TRAPPC9: variants seen among roughly 807,000 people sequenced by gnomAD.
TRAPPC9 encodes the protein trafficking protein particle complex subunit 9, also known as IKK2 binding protein.
Under a neutral mutation model 124.0 loss-of-function variants are expected in TRAPPC9, and 83 were observed. The observed-to-expected ratio is 0.67, with a 90% CI of 0.56 to 0.80. The LOEUF (loss-of-function observed/expected upper bound fraction) is 0.80, where lower values mean the gene tolerates loss of function less well. Ranked by LOEUF, TRAPPC9 falls within the 30% of genes least tolerant of loss-of-function variation. The probability of loss-of-function intolerance (pLI) is 0.00; values close to 1 mark genes in which losing one functional copy is unlikely to be tolerated. For missense variants in TRAPPC9, 1,302 were observed against 1,508.3 expected (o/e 0.86, Z 2.27); for synonymous variants, 638 against 617.5 (o/e 1.03, Z -0.49).
At chr8:140,000,268 C>T (rs1197274169) in intron 18 of TRAPPC9, among the ~76,000 whole-genome samples, 1 of 152,122 alleles carries the variant, frequency 6.6e-6, no homozygotes, top group African/African-American at 2.4e-5. Flanking sequence ...AGACCTAACA[C>T]CATAAAAACC....
At chr8:140,163,403 C>T (rs376533533) in intron 17 of TRAPPC9, among the ~76,000 whole-genome samples, 2 of 152,190 alleles carry the variant, frequency 1.3e-5, no homozygotes, top group South Asian at 2.1e-4. Flanking sequence ...CAGTAGCTGC[C>T]GGACATGGAG....
At chr8:140,281,568 T>A (rs1338914845) in intron 14 of TRAPPC9, among the ~76,000 whole-genome samples, 1 of 152,252 alleles carries the variant, frequency 6.6e-6, no homozygotes, top group Non-Finnish European at 1.5e-5. Context: ...ATTCTTTTAA[T>A]GGTGTCTTTG....
chr8:140,336,380 C>T (rs567869927), intron 9 of TRAPPC9, among the ~76,000 whole-genome samples: 1 of 152,270 alleles, frequency 6.6e-6, no homozygotes, highest in South Asian at 2.1e-4. Context: ...CTCTGCTCTG[C>T]GGCAAATGAG....
chr8:140,090,728 G>A (rs978621782), intron 17 of TRAPPC9, among the ~76,000 whole-genome samples: 3 of 152,268 alleles, frequency 2.0e-5, no homozygotes, highest in Admixed American at 1.3e-4. Flanking sequence ...CCCAGGATAA[G>A]GAGGGTAAAG....
In TRAPPC9 at chr8:140,398,922, G is replaced by A. The variant is rs184463780; in HGVS notation, c.1009-1177C>T. Among the ~76,000 whole-genome samples, 315 of 152,328 alleles carry A rather than the reference G, an allele frequency of 2.1e-3. 2 individuals carry two copies. The highest frequency in any genetic ancestry group is 5.4e-4 in the Non-Finnish European group (37 of 68,038). Reference sequence around the variant, plus strand: ...AGGCCTAGGAGGAAAAAGTGGTTTCGTGGGCCGGGCCCAGGGTCACCATGC... The same window carrying A: ...AGGCCTAGGAGGAAAAAGTGGTTTCATGGGCCGGGCCCAGGGTCACCATGC... On this transcript the variant is annotated intron_variant, in intron 6 of 22. Transcript: ENST00000438773.
At chr8:140,066,589 A>G (rs1842906037) in intron 17 of TRAPPC9, among the ~76,000 whole-genome samples, 1 of 152,200 alleles carries the variant, frequency 6.6e-6, no homozygotes, top group South Asian at 2.1e-4. Flanking sequence ...TATTAGGTTT[A>G]CTCTAGACTA....
At chr8:139,941,599 C>A (rs541777241) in intron 19 of TRAPPC9, among the ~76,000 whole-genome samples, 2 of 152,326 alleles carry the variant, frequency 1.3e-5, no homozygotes, top group African/African-American at 4.8e-5. Context: ...ACATCACCAT[C>A]CAATTCAACA....
At chr8:140,102,051 T>TC (rs2060589944) in intron 17 of TRAPPC9, among the ~76,000 whole-genome samples, 2 of 152,340 alleles carry the variant, frequency 1.3e-5, no homozygotes, top group South Asian at 4.1e-4. Context: ...TGCTTTTTGT[T>TC]CCATGTGGTT....
At chr8:139,789,472 C>A (rs545220998) in intron 21 of TRAPPC9, among the ~76,000 whole-genome samples, 1 of 151,476 alleles carries the variant, frequency 6.6e-6, no homozygotes. Flanking sequence ...TGGCCTCATC[C>A]CCCCCCAGGA....
At chr8:139,963,417 T>C (rs556528204) in intron 19 of TRAPPC9, among the ~76,000 whole-genome samples, 1 of 152,260 alleles carries the variant, frequency 6.6e-6, no homozygotes, top group Admixed American at 6.5e-5. Context: ...TTGCCCATTT[T>C]CACTTATTTA....
chr8:139,757,114 G>A (rs1357325153), intron 21 of TRAPPC9, among the ~76,000 whole-genome samples: 2 of 133,196 alleles, frequency 1.5e-5, no homozygotes, highest in Non-Finnish European at 3.2e-5. Context: ...AGGACAGCAT[G>A]TCGCAGGAGG....
intron 5 of TRAPPC9, among the ~76,000 whole-genome samples, chr8:140,414,395 A>G (rs1269557732): frequency 6.6e-6 from 1 of 152,108 alleles, no homozygotes; most frequent in Non-Finnish European, 1.5e-5. Flanking sequence ...TTAACCAGGC[A>G]TGGTGTCATG....
intron 8 of TRAPPC9, among the ~76,000 whole-genome samples, chr8:140,364,645 T>C (rs2068056736): frequency 6.6e-6 from 1 of 151,980 alleles, no homozygotes; most frequent in Non-Finnish European, 1.5e-5. Flanking sequence ...CAGTGGTGCA[T>C]TCTCGGCTCA....
chr8:140,256,531 C>A (rs965112976), intron 15 of TRAPPC9, among the ~76,000 whole-genome samples: 1 of 133,626 alleles, frequency 7.5e-6, no homozygotes, highest in African/African-American at 2.6e-5. Flanking sequence ...CACGCAGGAC[C>A]CCCGGGCAGG....
intron 9 of TRAPPC9, among the ~76,000 whole-genome samples, chr8:140,333,125 CA>C (rs34690399): frequency 2.6e-4 from 36 of 139,182 alleles, no homozygotes; most frequent in Non-Finnish European, 2.7e-4. Flanking sequence ...GACTTTGTCT[CA>C]AAAAAAAAAA....
intron 21 of TRAPPC9, among the ~76,000 whole-genome samples, chr8:139,859,704 A>G (rs541369532): frequency 7.2e-5 from 11 of 152,340 alleles, no homozygotes; most frequent in Admixed American, 5.2e-4. Flanking sequence ...CCTGGCACCC[A>G]GAGGATGTTG....
chr8:140,358,427 G>C (rs895015194), intron 9 of TRAPPC9, among the ~76,000 whole-genome samples: 2 of 152,132 alleles, frequency 1.3e-5, no homozygotes, highest in Non-Finnish European at 2.9e-5. Context: ...GGCTGGTCTC[G>C]ATCTCCTGAC....
At chr8:140,005,087 T>C (rs989485533) in intron 18 of TRAPPC9, among the ~76,000 whole-genome samples, 18 of 151,700 alleles carry the variant, frequency 1.2e-4, no homozygotes, top group African/African-American at 4.4e-4. Flanking sequence ...AATCAGAGGG[T>C]TTTCTGCTGA....
At chr8:139,928,449 G>A (rs952345090) in intron 19 of TRAPPC9, among the ~76,000 whole-genome samples, 66 of 151,876 alleles carry the variant, frequency 4.3e-4, no homozygotes, top group African/African-American at 1.5e-3. Context: ...CCAAGATGGC[G>A]CCACTGCACT....
Sources: allele counts gnomAD v4.1 joint callset (sites outside exome capture counted in the v4.1 genomes callset), GRCh38; gene constraint gnomAD v4.1.1; transcripts MANE v1.5; gene names NCBI Gene and HGNC (gene_info 2026-07-23, HGNC 2026-07-21).